Variants in MCM9 observed in about 807,000 individuals in gnomAD.
MCM9 encodes DNA helicase MCM9.
MCM9 carries 55 observed loss-of-function variants against 72.8 expected under a neutral mutation model. That is an observed-to-expected ratio of 0.76 (90% CI 0.61 to 0.95). The LOEUF is 0.95. Ranked by LOEUF, MCM9 falls within the 40% of genes least tolerant of loss-of-function variation. The probability of loss-of-function intolerance (pLI) is 0.00; values close to 1 mark genes in which losing one functional copy is unlikely to be tolerated. For synonymous variants in MCM9, 480 were observed against 503.4 expected (o/e 0.95, Z 0.62); for missense variants, 1,279 against 1,377.0 (o/e 0.93, Z 1.13).
intron 8 of MCM9, chr6:118,894,079 A>G (rs1466460271): frequency 1.8e-6 from 2 of 1,098,768 alleles, no homozygotes; most frequent in Non-Finnish European, 2.2e-6. Flanking sequence ...CCGCAGTTAA[A>G]GTTTCCGAGT....
At chr6:118,836,392 A>G (rs1019838723) in intron 9 of MCM9, among the ~76,000 whole-genome samples, 2 of 152,110 alleles carry the variant, frequency 1.3e-5, no homozygotes, top group Non-Finnish European at 2.9e-5. Flanking sequence ...CTCTTTTTCT[A>G]TGGTTTGTAA....
chr6:118,929,746 G>A (rs891735980), intron 3 of MCM9, among the ~76,000 whole-genome samples: 1 of 152,164 alleles, frequency 6.6e-6, no homozygotes, highest in African/African-American at 2.4e-5. Context: ...GCCAGAGGAG[G>A]AGGATCACTT....
Position 118,917,973 on chromosome 6 carries a change from GAAGT to G in MCM9, c.704-216_704-213del, listed in dbSNP as rs1471754668. The G allele has an allele frequency of 5.4e-6, 3 of 553,310 alleles. No homozygotes were observed. The Admixed American group carries it at 9.9e-5, about 18-fold the overall frequency. The allele number at this position is 553,310 out of a possible 1,614,324, so 34.3% of individuals were successfully genotyped here. ...TCATGTATCTGTAAAGTGAAAAGCT[GAAGT>G]CAGTATTTCCTATTTTTCATAACCT... On this transcript the variant is annotated intron_variant, in intron 5 of 13. Transcript: ENST00000619706.
intron 9 of MCM9, among the ~76,000 whole-genome samples, chr6:118,845,155 A>G (rs1775770749): frequency 6.6e-6 from 1 of 151,924 alleles, no homozygotes; most frequent in African/African-American, 2.4e-5. Context: ...TACTAAGAAC[A>G]GCTGAATAAG....
intron 9 of MCM9, among the ~76,000 whole-genome samples, chr6:118,843,740 A>ATATATATATATATATATG (rs1231635728): frequency 2.3e-5 from 3 of 129,034 alleles, no homozygotes; most frequent in African/African-American, 6.2e-5. Context: ...ATATATATAT[A>ATATATATATATATATATG]TGAGAAATTT....
intron 9 of MCM9, among the ~76,000 whole-genome samples, chr6:118,848,609 A>G (rs1227850524): frequency 1.3e-5 from 2 of 151,708 alleles, no homozygotes; most frequent in Non-Finnish European, 2.9e-5. Context: ...CCACAGAAAA[A>G]GTTTGCCAAC....
chr6:118,833,283 T>C lies in MCM9; in HGVS notation c.1326-4033A>G, dbSNP rs1774720699. On this transcript the variant is annotated intron_variant, in intron 9 of 13. Coordinates refer to ENST00000619706, the MANE Select transcript of MCM9 (RefSeq NM_017696.3). ...AGAGAAATGAAAAGCAATGAAGACA[T>C]CTCAGAAATTTGAGGTTTTGAAGTG... Among the ~76,000 whole-genome samples the C allele has an allele frequency of 2.0e-5, 3 of 152,062 alleles. No individual in the cohort carries two copies. The South Asian group carries it at 6.2e-4, about 32-fold the overall frequency.
At position 118,932,685 on chromosome 6, in the gene MCM9, T is replaced by G. The variant is rs1258490852; in HGVS notation, c.-94A>C. 1.1e-6 allele frequency: 1 copy of G among 881,502 alleles called. No individual in the cohort carries two copies. The highest frequency in any genetic ancestry group is 1.4e-6 in the Non-Finnish European group (1 of 735,372). 54.6% of individuals were successfully genotyped at this position (881,502 alleles called of 1,614,324 possible). ...AGAAATTCATACTTGGAAGTGAATT[T>G]GTTTCCTTCTTTCTCTTTCTTACCG... On this transcript the variant is annotated 5_prime_UTR_variant, in exon 2 of 14. Coordinates refer to ENST00000619706, the MANE Select transcript of MCM9 (RefSeq NM_017696.3).
intron 8 of MCM9, among the ~76,000 whole-genome samples, chr6:118,873,476 C>T (rs74214715): frequency 0.73 from 110,949 of 152,004 alleles, 41,517 homozygotes; most frequent in South Asian, 0.83. Context: ...ACGAACATTA[C>T]AGCATAATAA....
intron 8 of MCM9, among the ~76,000 whole-genome samples, chr6:118,876,431 G>GT (rs1777936453): frequency 1.3e-5 from 2 of 152,178 alleles, no homozygotes; most frequent in Non-Finnish European, 2.9e-5. Flanking sequence ...TGTAATGAAT[G>GT]TACCACTCTG....
chr6:118,834,282 C>T (rs1774798121), intron 9 of MCM9, among the ~76,000 whole-genome samples: 1 of 152,176 alleles, frequency 6.6e-6, no homozygotes, highest in South Asian at 2.1e-4. Context: ...TGGGTTACTT[C>T]CAAGTCTTTG....
intron 8 of MCM9, among the ~76,000 whole-genome samples, chr6:118,860,675 A>G (rs942609940): frequency 6.6e-6 from 1 of 152,184 alleles, no homozygotes; most frequent in Non-Finnish European, 1.5e-5. Context: ...CAAACTTCAG[A>G]AAATCAAAGA....
chr6:118,916,338 C>T (rs1296191457), intron 6 of MCM9, among the ~76,000 whole-genome samples: 2 of 148,896 alleles, frequency 1.3e-5, no homozygotes, highest in Non-Finnish European at 3.0e-5. Context: ...TCAGGAACTA[C>T]TAATGTGCTA....
chr6:118,829,354 G>A (rs939077837), intron 9 of MCM9, 104 bp from the exon 10 acceptor site: 10 of 1,002,540 alleles, frequency 1.0e-5, no homozygotes, highest in Admixed American at 8.7e-5. Flanking sequence ...GAAAATCTAC[G>A]AACTCCTATG....
At chr6:118,908,944 A>G (rs1780350160) in intron 8 of MCM9, 1 of 152,624 alleles carries the variant, frequency 6.6e-6, no homozygotes, top group African/African-American at 2.4e-5. Context: ...TATATTTCCT[A>G]TCATTCTAAA....
Position 118,874,296 on chromosome 6 carries a change from C to T in MCM9, c.1151-17751G>A, listed in dbSNP as rs149171546. Among the ~76,000 whole-genome samples the T allele has an allele frequency of 9.2e-3, 1,406 of 152,124 alleles. 12 individuals are homozygous for T. Among genetic ancestry groups the T allele is most frequent in the Middle Eastern group, 0.014 (4 of 294 alleles). Reference sequence around the variant, plus strand: ...AAATCAATTAATATAATCATCAGGCCGTTGATAAAACGGCCTAACAAAGAA... The same window carrying T: ...AAATCAATTAATATAATCATCAGGCTGTTGATAAAACGGCCTAACAAAGAA... On this transcript the variant is annotated intron_variant, in intron 8 of 13. Coordinates refer to ENST00000619706, the MANE Select transcript of MCM9 (RefSeq NM_017696.3).
At chr6:118,830,623 C>T (rs1774476691) in intron 9 of MCM9, among the ~76,000 whole-genome samples, 1 of 152,208 alleles carries the variant, frequency 6.6e-6, no homozygotes, top group Non-Finnish European at 1.5e-5. Context: ...TTAACCCACA[C>T]TGAAGACGGA....
At chr6:118,847,553 G>T (rs1775955735) in intron 9 of MCM9, among the ~76,000 whole-genome samples, 1 of 151,096 alleles carries the variant, frequency 6.6e-6, no homozygotes, top group Non-Finnish European at 1.5e-5. Context: ...ACAAAATACA[G>T]ATGAGCTAAG....
At chr6:118,872,266 C>G (rs1174037708) in intron 8 of MCM9, among the ~76,000 whole-genome samples, 2 of 151,340 alleles carry the variant, frequency 1.3e-5, no homozygotes, top group South Asian at 2.1e-4. Flanking sequence ...TTGCAGTGAG[C>G]CGAGATTGTG....
Sources: gnomAD v4.1 joint callset for allele counts (sites outside exome capture counted in the v4.1 genomes callset) on GRCh38, gnomAD v4.1.1 for gene constraint, MANE v1.5 for transcripts, NCBI Gene and HGNC (gene_info 2026-07-23, HGNC 2026-07-21) for gene names.